Variants in CNTN3 observed in about 807,000 individuals in gnomAD.
The protein encoded by CNTN3 is contactin-3.
A neutral mutation model predicts 119.1 loss-of-function variants in CNTN3; 60 were observed. The ratio of observed to expected loss-of-function variants is 0.50; its 90% CI spans 0.41 to 0.62. CNTN3 has a LOEUF of 0.62. Ranked by LOEUF, CNTN3 falls within the 20% of genes least tolerant of loss-of-function variation. CNTN3 has a pLI of 0.00. For missense variants in CNTN3, 1,101 were observed against 1,242.4 expected (o/e 0.89, Z 1.71); for synonymous variants, 450 against 438.7 (o/e 1.03, Z -0.32).
At chr3:74,355,861 A>G (rs1241432278) in intron 11 of CNTN3, among the ~76,000 whole-genome samples, 1 of 151,998 alleles carries the variant, frequency 6.6e-6, no homozygotes, top group Non-Finnish European at 1.5e-5. Flanking sequence ...TTAATTCGGT[A>G]TACACTGTCA....
chr3:74,607,360 T>C (rs1231067383), intron 1 of CNTN3, among the ~76,000 whole-genome samples: 1 of 152,222 alleles, frequency 6.6e-6, no homozygotes, highest in Non-Finnish European at 1.5e-5. Flanking sequence ...TGATTTTAAT[T>C]GCCTGAAAAG....
chr3:74,562,741 C>T (rs960540426), intron 1 of CNTN3, among the ~76,000 whole-genome samples: 15 of 152,074 alleles, frequency 9.9e-5, no homozygotes, highest in Non-Finnish European at 1.5e-4. Flanking sequence ...AAGTCATTAG[C>T]GGCACCTCTG....
intron 11 of CNTN3, among the ~76,000 whole-genome samples, chr3:74,354,059 G>A (rs1046349166): frequency 2.0e-5 from 3 of 151,974 alleles, no homozygotes; most frequent in Admixed American, 6.5e-5. Flanking sequence ...AATGCTTACT[G>A]CATTTTAATG....
At chr3:74,482,451 TATA>T in intron 4 of CNTN3, among the ~76,000 whole-genome samples, 1 of 152,172 alleles carries the variant, frequency 6.6e-6, no homozygotes, top group Non-Finnish European at 1.5e-5. Context: ...AAAGGGAATC[TATA>T]AAATCCAGGG....
intron 1 of CNTN3, among the ~76,000 whole-genome samples, chr3:74,589,090 G>A (rs1372515358): frequency 6.6e-6 from 1 of 150,674 alleles, no homozygotes; most frequent in African/African-American, 2.4e-5. Context: ...GGCAACAAAA[G>A]CCAAAATTGA....
Position 74,275,487 on chromosome 3 carries a change from C to G in CNTN3, c.2705-8109G>C, listed in dbSNP as rs1290875773. Among the ~76,000 whole-genome samples, 3 of 152,106 alleles carry G rather than the reference C, an allele frequency of 2.0e-5. No homozygotes were observed. In the East Asian group the frequency reaches 5.8e-4, roughly 29 times the overall value. The stretch of plus-strand genomic sequence containing the variant: ...CCTACAAGCTAGAAGGGATTGTGGC[C>G]CAATCTTCAGCCTCCTCAAACAAAA... On this transcript the variant is annotated intron_variant, in intron 20 of 22. Transcript: ENST00000263665.
At chr3:74,371,163 C>T (rs141670671) in intron 6 of CNTN3, 33 bp downstream of exon 6, 98 of 1,514,980 alleles carry the variant, frequency 6.5e-5, no homozygotes, top group South Asian at 2.5e-4. Flanking sequence ...GCACCATTTA[C>T]GCTCAGAAGT....
chr3:74,481,767 T>A (rs1375094806), intron 4 of CNTN3, among the ~76,000 whole-genome samples: 1 of 151,584 alleles, frequency 6.6e-6, no homozygotes, highest in East Asian at 1.9e-4. Context: ...TGAAACAGAG[T>A]GTAGAAATTT....
At chr3:74,552,683 G>A (rs186927366) in intron 1 of CNTN3, among the ~76,000 whole-genome samples, 6 of 152,254 alleles carry the variant, frequency 3.9e-5, no homozygotes, top group Non-Finnish European at 7.3e-5. Context: ...GTCAAGGAAG[G>A]GACCTGTAAT....
chr3:74,533,845 C>T (rs1703726230), intron 1 of CNTN3, among the ~76,000 whole-genome samples: 1 of 151,992 alleles, frequency 6.6e-6, no homozygotes, highest in Non-Finnish European at 1.5e-5. Flanking sequence ...TCAACAATAT[C>T]TGAGGATGTT....
chr3:74,613,269 CTTT>C (rs758332591), intron 1 of CNTN3, among the ~76,000 whole-genome samples: 7 of 132,474 alleles, frequency 5.3e-5, no homozygotes, highest in East Asian at 2.2e-4. Context: ...AGTCTTCCTA[CTTT>C]TTTTTTTTTT....
intron 13 of CNTN3, among the ~76,000 whole-genome samples, chr3:74,317,371 C>T (rs1202695820): frequency 6.6e-6 from 1 of 151,812 alleles, no homozygotes; most frequent in African/African-American, 2.4e-5. Context: ...TGTATTTGGT[C>T]CTGTCATTAT....
rs751473676 is a variant in CNTN3, at chr3:74,302,714, A to G, written c.1762T>C (p.Ser588Pro). 3 of 1,612,484 alleles carry G rather than the reference A, an allele frequency of 1.9e-6. No homozygotes were observed. Among genetic ancestry groups the G allele is most frequent in the Non-Finnish European group, 2.5e-6 (3 of 1,178,712 alleles). ...MVQTGVDSVS[S>P]AADLIVRGSP... Reference sequence around the variant, plus strand: ...CCTCTTACTATGAGGTCAGCAGCAGATGAAACACTGTCCACCCCCGTTTGC... The same window carrying G: ...CCTCTTACTATGAGGTCAGCAGCAGGTGAAACACTGTCCACCCCCGTTTGC... The change falls in exon 14 of 23, where the codon TCT (serine) becomes CCT (proline). Residue 588 changes from serine to proline, a missense_variant. Ser to Pro is a moderately conservative substitution (Grantham distance 74). Transcript: ENST00000263665.
rs1485995990 is a variant in CNTN3, at chr3:74,366,778, G to GTATATATATATATATATATATA, written c.947-1077_947-1076insTATATATATATATATATATATA. Among the ~76,000 whole-genome samples the GTATATATATATATATATATATA allele has an allele frequency of 6.2e-3, 252 of 40,772 alleles. 1 individual carries two copies. The highest frequency in any genetic ancestry group is 0.013 in the South Asian group (8 of 602). 26.7% of individuals were successfully genotyped at this position (40,772 alleles called of 152,430 possible). A position where few individuals can be genotyped will look rare whatever the true frequency, so the allele number is the denominator to read the frequency against. ...TGTGTGCGTGTGTGTGTGTGTGTGT[G>GTATATATATATATATATATATA]TGTATATATATATATATATATATAT... is the stretch of plus-strand genomic sequence containing the variant. On this transcript the variant is annotated intron_variant, in intron 8 of 22. Coordinates refer to ENST00000263665, the MANE Select transcript of CNTN3 (RefSeq NM_020872.3).
rs140089207 is a variant in CNTN3 at position 74,488,924 on chromosome 3, C to A, written c.183-2293G>T. ...AACTCTCTTATTATCCTTCCCAAATCAAGTCCATATCTCATGAACATTTGT... is the reference window on the plus strand; with the variant it reads ...AACTCTCTTATTATCCTTCCCAAATAAAGTCCATATCTCATGAACATTTGT... On this transcript the variant is annotated intron_variant, in intron 3 of 22. Transcript: ENST00000263665. 6.5e-3 allele frequency among the ~76,000 whole-genome samples: 991 copies of A among 152,286 alleles called. 12 individuals are homozygous for A. The highest frequency in any genetic ancestry group is 0.022 in the African/African-American group (927 of 41,548).
chr3:74,451,715 T>C (rs1247623422), intron 4 of CNTN3, among the ~76,000 whole-genome samples: 2 of 151,016 alleles, frequency 1.3e-5, no homozygotes, highest in Non-Finnish European at 3.0e-5. Flanking sequence ...AGGGATCCAG[T>C]TTCAGCTTTC....
Position 74,557,834 on chromosome 3 carries a change from T to G in CNTN3, c.-80-36642A>C, listed in dbSNP as rs1262314206. Among the ~76,000 whole-genome samples the G allele has an allele frequency of 5.9e-5, 9 of 151,996 alleles. No individual in the cohort carries two copies. The South Asian group carries it at 1.5e-3, about 25-fold the overall frequency. ...TCCACCTTGAGGCCAGCTGCAGAGA[T>G]AGAGTATTTTGTCCTATTAGCTGCT... On this transcript the variant is annotated intron_variant, in intron 1 of 22. Transcript: ENST00000263665.
intron 13 of CNTN3, among the ~76,000 whole-genome samples, chr3:74,307,258 T>C (rs1226148646): frequency 6.6e-6 from 1 of 152,202 alleles, no homozygotes; most frequent in African/African-American, 2.4e-5. Context: ...TCACTGTAGC[T>C]GACTTCAAGT....
Position 74,477,770 on chromosome 3 carries a change from A to T in CNTN3, c.358+8686T>A, listed in dbSNP as rs577903185. 3.3e-5 allele frequency among the ~76,000 whole-genome samples: 5 copies of T among 152,258 alleles called. No individual in the cohort carries two copies. In the South Asian group the frequency reaches 1.0e-3, roughly 31 times the overall value. On this transcript the variant is annotated intron_variant, in intron 4 of 22. Transcript: ENST00000263665. ...ATTCTCCATGATGTGATTATTACAC[A>T]TTGTATGTCTGTATCAAAATGTCTC...
Sources: gnomAD v4.1 joint callset for allele counts (sites outside exome capture counted in the v4.1 genomes callset) on GRCh38, gnomAD v4.1.1 for gene constraint, MANE v1.5 for transcripts, NCBI Gene and HGNC (gene_info 2026-07-23, HGNC 2026-07-21) for gene names.